RASSF2: variants seen among roughly 807,000 people sequenced by gnomAD.
RASSF2 encodes ras association domain-containing protein 2.
A neutral mutation model predicts 46.3 loss-of-function variants in RASSF2; 34 were observed. The ratio of observed to expected loss-of-function variants is 0.73; its 90% CI spans 0.56 to 0.98. The LOEUF is 0.98. Ranked by LOEUF, RASSF2 falls within the 50% of genes least tolerant of loss-of-function variation. The pLI is 0.00. For synonymous variants in RASSF2, 158 were observed against 162.5 expected, an observed-to-expected ratio of 0.97 and a Z score of 0.21; for missense variants, 364 against 431.2, an observed-to-expected ratio of 0.84 and a Z score of 1.38.
At chr20:4,801,139 G>A (rs1926834471) in intron 2 of RASSF2, 77 bp from the exon 3 acceptor site, 1 of 1,171,902 alleles carries the variant, frequency 8.5e-7, no homozygotes, top group Non-Finnish European at 1.3e-6. Flanking sequence ...GGGTGGGGAG[G>A]GGGCACAAAA....
chr20:4,823,597 T>G lies in RASSF2; in HGVS notation c.-148A>C, dbSNP rs951007011. 4 of 153,182 alleles carry G rather than the reference T, an allele frequency of 2.6e-5. No individual in the cohort carries two copies. The highest frequency in any genetic ancestry group is 4.4e-5 in the Non-Finnish European group (3 of 68,698). 9.5% of individuals were successfully genotyped at this position (153,182 alleles called of 1,614,324 possible). On this transcript the variant is annotated 5_prime_UTR_variant, in exon 1 of 12. Coordinates refer to ENST00000379400, the MANE Select transcript of RASSF2 (RefSeq NM_014737.3). ...GCTGTCCTCTCTTTTCTCTCGCTCT[T>G]CATATCACTCTCCACCCCTTCGCCT...
intron 5 of RASSF2, 78 bp from the exon 6 acceptor site, chr20:4,792,705 C>G (rs1926005394): frequency 2.0e-6 from 3 of 1,526,234 alleles, no homozygotes; most frequent in Non-Finnish European, 2.6e-6. Context: ...CCCGCTGGAC[C>G]CCACTCCTGA....
intron 2 of RASSF2, among the ~76,000 whole-genome samples, chr20:4,808,341 G>T (rs1927507129): frequency 6.6e-6 from 1 of 152,118 alleles, no homozygotes; most frequent in Admixed American, 6.5e-5. Flanking sequence ...TTGTAGGAGG[G>T]AAACTGAGGC....
chr20:4,814,577 G>T (rs1305512902), intron 2 of RASSF2, among the ~76,000 whole-genome samples: 1 of 152,158 alleles, frequency 6.6e-6, no homozygotes, highest in Non-Finnish European at 1.5e-5. Context: ...ACCCCGGCAG[G>T]TTCCTTGGAC....
In RASSF2 at chr20:4,787,636, G is replaced by A. The variant is rs6052876; in HGVS notation, c.810C>T (p.Tyr270=). 8.2e-3 allele frequency: 13,177 copies of A among 1,614,038 alleles called. 920 individuals carry two copies. The African/African-American group carries it at 0.15, about 18-fold the overall frequency. Residue 270 remains tyrosine, a synonymous_variant, in exon 10 of 12, where the codon TAC becomes TAT. Coordinates refer to ENST00000379400, the MANE Select transcript of RASSF2 (RefSeq NM_014737.3). ...MEKDQVEEVT[Y]DVAQYIKFEM... ...GCCTGACCCAAAGGGAACTCACGTCGTAGGTGACTTCCTCCACCTGGTCCT... is the reference window on the plus strand; with the variant it reads ...GCCTGACCCAAAGGGAACTCACGTCATAGGTGACTTCCTCCACCTGGTCCT...
chr20:4,810,175 C>A (rs2423025), intron 2 of RASSF2, among the ~76,000 whole-genome samples: 58,388 of 152,056 alleles, frequency 0.38, 11,434 homozygotes, highest in Admixed American at 0.5. Flanking sequence ...CCTAGGCTGC[C>A]GGAACGGGGT....
chr20:4,805,740 TAGAG>T (rs1355072750), intron 2 of RASSF2, among the ~76,000 whole-genome samples: 1 of 151,976 alleles, frequency 6.6e-6, no homozygotes, highest in Non-Finnish European at 1.5e-5. Context: ...AGACAGACTC[TAGAG>T]AGTTCGAAGA....
chr20:4,794,360 T>G (rs1926156140), intron 5 of RASSF2, among the ~76,000 whole-genome samples: 1 of 151,996 alleles, frequency 6.6e-6, no homozygotes, highest in African/African-American at 2.4e-5. Context: ...CTTGAGGTCA[T>G]GAGTTCAAGA....
At chr20:4,788,185 G>A (rs1925535186) in intron 9 of RASSF2, 32 bp downstream of exon 9, 1 of 1,534,496 alleles carries the variant, frequency 6.5e-7, no homozygotes, top group East Asian at 2.3e-5. Flanking sequence ...TTAATTAGAA[G>A]TTTTAAAGTA....
intron 2 of RASSF2, among the ~76,000 whole-genome samples, chr20:4,807,920 C>T (rs1314037066): frequency 6.6e-6 from 1 of 152,244 alleles, no homozygotes; most frequent in African/African-American, 2.4e-5. Context: ...ACCACCTTCA[C>T]AAAGCACTGT....
chr20:4,790,523 C>T lies in RASSF2; in HGVS notation c.465G>A (p.Val155=). ...SDVGVRRRGN[V]RTPSDQRRIR... is the part of the protein sequence containing the mutation. ...TTCGCCGCTGGTCACTAGGCGTCCT[C>T]ACATTGCCACGGCGACGCACCCCAA... The change falls in exon 7 of 12, where the codon GTG becomes GTA. Residue 155 remains valine, a synonymous_variant. Coordinates refer to ENST00000379400, the MANE Select transcript of RASSF2 (RefSeq NM_014737.3). This position sits in a 1 kb window ranked among gnomAD's most constrained non-coding sequence, Gnocchi z 4.3. 6.5e-7 allele frequency: 1 copy of T among 1,532,462 alleles called. No individual in the cohort carries two copies. 94.9% of individuals were successfully genotyped at this position (1,532,462 alleles called of 1,614,324 possible).
intron 6 of RASSF2, among the ~76,000 whole-genome samples, chr20:4,792,284 AGGGG>A (rs1925952689): frequency 2.8e-5 from 1 of 35,180 alleles, no homozygotes; most frequent in Non-Finnish European, 5.5e-5. Context: ...AGGGGAGGGG[AGGGG>A]GAAAGAAACT....
intron 11 of RASSF2, among the ~76,000 whole-genome samples, chr20:4,785,716 C>T (rs1230049175): frequency 1.3e-5 from 2 of 152,162 alleles, no homozygotes; most frequent in African/African-American, 4.8e-5. Context: ...GGTTAGCACT[C>T]CTTGCCTTCA....
chr20:4,815,908 G>T (rs1413934630), intron 2 of RASSF2, among the ~76,000 whole-genome samples: 2 of 152,220 alleles, frequency 1.3e-5, no homozygotes, highest in Non-Finnish European at 2.9e-5. Context: ...AGGACCACAT[G>T]ACCCAGCCTG....
At chr20:4,786,077 T>C (rs1601081042) in intron 11 of RASSF2, among the ~76,000 whole-genome samples, 154 bp downstream of exon 11, 1 of 152,118 alleles carries the variant, frequency 6.6e-6, no homozygotes, top group Non-Finnish European at 1.5e-5. Context: ...ACGTCCTCAC[T>C]TGAAATCCAG....
intron 2 of RASSF2, among the ~76,000 whole-genome samples, chr20:4,804,311 G>A (rs1218416652): frequency 1.4e-5 from 2 of 145,464 alleles, no homozygotes; most frequent in African/African-American, 5.0e-5. Flanking sequence ...CATGTAACGC[G>A]CAAAAAGAAA....
Position 4,790,267 on chromosome 20 carries a change from C to T in RASSF2, c.537+184G>A, listed in dbSNP as rs372548305. On this transcript the variant is annotated intron_variant, in intron 7 of 11. Transcript: ENST00000379400. This position sits in a 1 kb window ranked among gnomAD's most constrained non-coding sequence, Gnocchi z 4.3. ...CACAGGGGGACTTTGAGGCTTCTGA[C>T]CTGGGGTCCCTCAGCCCTCAGGAAG... is the stretch of plus-strand genomic sequence containing the variant. Among the ~76,000 whole-genome samples the T allele has an allele frequency of 3.0e-4, 45 of 152,330 alleles. No individual in the cohort carries two copies. The highest frequency in any genetic ancestry group is 9.6e-4 in the African/African-American group (40 of 41,580).
chr20:4,809,305 G>A (rs1279593947), intron 2 of RASSF2, among the ~76,000 whole-genome samples: 1 of 152,132 alleles, frequency 6.6e-6, no homozygotes, highest in Non-Finnish European at 1.5e-5. Context: ...TGACATCCCA[G>A]CCACAGAGAA....
chr20:4,793,982 C>T (rs1024491047), intron 5 of RASSF2, among the ~76,000 whole-genome samples: 13 of 152,156 alleles, frequency 8.5e-5, no homozygotes, highest in Non-Finnish European at 1.6e-4. Flanking sequence ...CAGGCTCAAA[C>T]GAAATCTTAA....
Sources: gnomAD v4.1 joint callset for allele counts (sites outside exome capture counted in the v4.1 genomes callset) on GRCh38, gnomAD v4.1.1 for gene constraint, Gnocchi (gnomAD v3.1) non-coding constraint, MANE v1.5 for transcripts, NCBI Gene and HGNC (gene_info 2026-07-23, HGNC 2026-07-21) for gene names.